Variants in ABLIM2 observed in about 807,000 individuals in gnomAD.
ABLIM2 encodes the protein actin binding LIM protein family member 2.
ABLIM2 carries 53 observed loss-of-function variants against 97.7 expected under a neutral mutation model. The ratio of observed to expected loss-of-function variants is 0.54; its 90% CI spans 0.44 to 0.68. ABLIM2 has a LOEUF of 0.68. ABLIM2 is among the 30% of genes least tolerant of loss of function. ABLIM2 has a pLI of 0.00. For synonymous variants in ABLIM2, 361 were observed against 345.8 expected (o/e 1.04, Z -0.49); for missense variants, 835 against 867.2 (o/e 0.96, Z 0.47).
rs1231747521 is a variant in ABLIM2, at chr4:8,058,683, C to A, written c.763+2284G>T. ...GCTGGGACCAGACCCTTGGGTCAGG[C>A]TCCTCTGAACCCTCTTCTCAATTAG... On this transcript the variant is annotated intron_variant, in intron 7 of 20. Transcript: ENST00000447017. The surrounding 1 kb of genome is among the most constrained non-coding windows in gnomAD (Gnocchi z 4.2). Among the ~76,000 whole-genome samples the A allele has an allele frequency of 6.6e-6, 1 of 152,178 alleles. No homozygotes were observed.
intron 3 of ABLIM2, among the ~76,000 whole-genome samples, chr4:8,093,139 G>A (rs983173690): frequency 3.3e-5 from 5 of 152,116 alleles, no homozygotes; most frequent in East Asian, 1.9e-4. Flanking sequence ...GTGAGCCACC[G>A]CACCCAGTCT....
intron 6 of ABLIM2, among the ~76,000 whole-genome samples, chr4:8,070,295 G>T (rs1811102383): frequency 6.7e-6 from 1 of 149,378 alleles, no homozygotes; most frequent in South Asian, 2.2e-4. Flanking sequence ...TATATCTCGT[G>T]TGTGTCTGTG....
chr4:8,158,230 G>T lies in ABLIM2; in HGVS notation c.10+450C>A, dbSNP rs1029742244. ...GGTCGGCCTGACGCCCCCAACCCAG[G>T]CGCTGCCAGAGCGGCGCAAGGGCGG... On this transcript the variant is annotated intron_variant, in intron 1 of 20. Transcript: ENST00000447017. Among the ~76,000 whole-genome samples, 9 of 152,354 alleles carry T rather than the reference G, an allele frequency of 5.9e-5. No homozygotes were observed. In the East Asian group the frequency reaches 1.7e-3, roughly 29 times the overall value.
intron 17 of ABLIM2, among the ~76,000 whole-genome samples, chr4:7,990,737 T>A (rs1259353155): frequency 6.6e-6 from 1 of 152,098 alleles, no homozygotes; most frequent in African/African-American, 2.4e-5. Context: ...GGGAAGGTCA[T>A]GAGTCCAGGT....
chr4:8,057,604 C>T (rs147367540), intron 7 of ABLIM2, among the ~76,000 whole-genome samples: 3 of 152,322 alleles, frequency 2.0e-5, no homozygotes, highest in East Asian at 3.9e-4. Context: ...ATGGGGCTCA[C>T]ACTTCCTTTT....
chr4:8,038,604 C>T (rs1483299898), intron 9 of ABLIM2, among the ~76,000 whole-genome samples: 4 of 152,160 alleles, frequency 2.6e-5, no homozygotes, highest in Non-Finnish European at 5.9e-5. Context: ...CGAAGTCTTC[C>T]CTGATCACCA....
chr4:8,006,560 C>T lies in ABLIM2; in HGVS notation c.1618+1499G>A, dbSNP rs117521124. The stretch of plus-strand genomic sequence containing the variant: ...GTAGGGAGGGTGCTGGGGAAGCTGC[C>T]GAGCTGGTGCAAGAGGAGCTCTCCT... On this transcript the variant is annotated intron_variant, in intron 16 of 20. Coordinates refer to ENST00000447017, the MANE Select transcript of ABLIM2 (RefSeq NM_001130083.2). 5.1e-3 allele frequency among the ~76,000 whole-genome samples: 783 copies of T among 152,318 alleles called. 17 individuals carry two copies. Among genetic ancestry groups the T allele is most frequent in the South Asian group, 0.041 (198 of 4,824 alleles).
Position 8,045,218 on chromosome 4 carries a change from G to C in ABLIM2, c.846C>G (p.Ser282Arg), listed in dbSNP as rs745656613. 1.2e-6 allele frequency: 2 copies of C among 1,613,976 alleles called. No homozygotes were observed. The highest frequency in any genetic ancestry group is 1.7e-6 in the Non-Finnish European group (2 of 1,179,830). ...RNKETRTSSESIISVPASSTS... is the reference protein window; with the variant it reads ...RNKETRTSSERIISVPASSTS... Reference sequence around the variant, plus strand: ...TGCTGGAAGCAGGGACAGAAATGATGCTCTCTGAGGAAGTTCTGGTTTCCT... The same window carrying C: ...TGCTGGAAGCAGGGACAGAAATGATCCTCTCTGAGGAAGTTCTGGTTTCCT... The change falls in exon 9 of 21, where the codon AGC becomes AGG. Residue 282 changes from serine to arginine, a missense_variant. Physicochemically the swap from Ser to Arg is moderately radical, Grantham distance 110. Coordinates refer to ENST00000447017, the MANE Select transcript of ABLIM2 (RefSeq NM_001130083.2).
At position 8,054,281 on chromosome 4, in the gene ABLIM2, G is replaced by T; in HGVS notation, c.764-35C>A. 6.2e-7 allele frequency: 1 copy of T among 1,607,434 alleles called. No individual in the cohort carries two copies. Among genetic ancestry groups the T allele is most frequent in the Non-Finnish European group, 8.5e-7 (1 of 1,174,062 alleles). On this transcript the variant is annotated intron_variant, in intron 7 of 20. Coordinates refer to ENST00000447017, the MANE Select transcript of ABLIM2 (RefSeq NM_001130083.2). The surrounding 1 kb of genome is among the most constrained non-coding windows in gnomAD (Gnocchi z 4.9). ...AATTCCCAAGAGGGAAATGATTAGAGTTATTTCCCATGTTGCAGGGGCCTG... is the reference window on the plus strand; with the variant it reads ...AATTCCCAAGAGGGAAATGATTAGATTTATTTCCCATGTTGCAGGGGCCTG...
At chr4:8,064,239 G>A (rs1019616587) in intron 6 of ABLIM2, among the ~76,000 whole-genome samples, 1 of 152,196 alleles carries the variant, frequency 6.6e-6, no homozygotes, top group Non-Finnish European at 1.5e-5. Flanking sequence ...GTGGCACCGA[G>A]CATTTGTTTT....
rs370977309 is a variant in ABLIM2 at position 8,020,186 on chromosome 4, G to A, written c.1369+16C>T. On this transcript the variant is annotated intron_variant, in intron 13 of 20. Coordinates refer to ENST00000447017, the MANE Select transcript of ABLIM2 (RefSeq NM_001130083.2). The stretch of plus-strand genomic sequence containing the variant: ...TTTCAGTGTAAGGAGCCCAGCCAGC[G>A]TGTCCCGGAGCCTACCTGGGACGTG... 4.9e-5 allele frequency: 78 copies of A among 1,607,166 alleles called. No individual in the cohort carries two copies. The highest frequency in any genetic ancestry group is 8.0e-5 in the African/African-American group (6 of 74,778).
Position 8,031,516 on chromosome 4 carries a change from G to T in ABLIM2, c.1048-1740C>A, listed in dbSNP as rs73798926. Among the ~76,000 whole-genome samples the T allele has an allele frequency of 8.1e-3, 1,227 of 152,304 alleles. 19 individuals carry two copies. The highest frequency in any genetic ancestry group is 0.028 in the African/African-American group (1,176 of 41,568). ...GTACCATGGCCGTCACAGCTCCCAT[G>T]GGGCAGGTTGTCTGGAGCAGGAGGC... On this transcript the variant is annotated intron_variant, in intron 10 of 20. Transcript: ENST00000447017.
intron 1 of ABLIM2, among the ~76,000 whole-genome samples, chr4:8,107,269 T>C (rs1191100407): frequency 6.6e-6 from 1 of 152,236 alleles, no homozygotes. Flanking sequence ...AGGGCCTGAC[T>C]GTGGGGCTCC....
intron 6 of ABLIM2, among the ~76,000 whole-genome samples, chr4:8,073,417 G>A (rs1456769132): frequency 7.9e-5 from 12 of 151,940 alleles, no homozygotes; most frequent in East Asian, 5.9e-4. Flanking sequence ...CGCGGAGAAC[G>A]GAAACGTGGC....
chr4:8,075,502 G>T lies in ABLIM2; in HGVS notation c.675+2126C>A, dbSNP rs781196567. ...AAGTTCAGGAGCTCGAGACCAGCTT[G>T]GGTGACATAGTGAGACCCTGTCTCT... On this transcript the variant is annotated intron_variant, in intron 6 of 20. Coordinates refer to ENST00000447017, the MANE Select transcript of ABLIM2 (RefSeq NM_001130083.2). This position sits in a 1 kb window ranked among gnomAD's most constrained non-coding sequence, Gnocchi z 4.4. 7.2e-5 allele frequency among the ~76,000 whole-genome samples: 11 copies of T among 152,112 alleles called. No homozygotes were observed. Among genetic ancestry groups the T allele is most frequent in the Non-Finnish European group, 1.2e-4 (8 of 68,024 alleles).
intron 6 of ABLIM2, among the ~76,000 whole-genome samples, chr4:8,062,284 G>A (rs1445743280): frequency 4.6e-5 from 7 of 152,170 alleles, no homozygotes; most frequent in South Asian, 2.1e-4. Context: ...TCTCTCAAGC[G>A]CAGGGCCTGG....
At chr4:8,077,570 C>T (rs1479544045) in intron 6 of ABLIM2, 58 bp downstream of exon 6, 16 of 1,472,096 alleles carry the variant, frequency 1.1e-5, no homozygotes, top group Non-Finnish European at 1.5e-5. Flanking sequence ...AGTCAACTCC[C>T]AGGGGGGCAG....
intron 17 of ABLIM2, among the ~76,000 whole-genome samples, chr4:7,990,438 G>A (rs1747767227): frequency 6.6e-6 from 1 of 151,976 alleles, no homozygotes. Flanking sequence ...TGCCTGCCTC[G>A]GCCTCCCAAA....
rs267600274 is a variant in ABLIM2 at position 8,020,270 on chromosome 4, G to A, written c.1301C>T (p.Ser434Phe). 6.2e-7 allele frequency: 1 copy of A among 1,613,946 alleles called. No homozygotes were observed. The highest frequency in any genetic ancestry group is 8.5e-7 in the Non-Finnish European group (1 of 1,179,894). Residue 434 changes from serine to phenylalanine, a missense_variant, in exon 13 of 21, where the codon TCC (serine) becomes TTC (phenylalanine). Ser to Phe is a radical substitution (Grantham distance 155). Transcript: ENST00000447017. ...GGGCGGCTTGCTGTCAGAGAGCACG[G>A]AGAGGCTGGGGGTGCTCCGGCCACT... ...SESGRSTPSL[S>F]VLSDSKPPPS...
Sources: gnomAD v4.1 joint callset for allele counts (sites outside exome capture counted in the v4.1 genomes callset) on GRCh38, gnomAD v4.1.1 for gene constraint, Gnocchi (gnomAD v3.1) non-coding constraint, MANE v1.5 for transcripts, NCBI Gene and HGNC (gene_info 2026-07-23, HGNC 2026-07-21) for gene names.